CABIN1: variants seen among roughly 807,000 people sequenced by gnomAD.
CABIN1 encodes the protein calcineurin binding protein 1.
CABIN1 carries 133 observed loss-of-function variants against 227.7 expected under a neutral mutation model. The observed-to-expected ratio is 0.58, with a 90% CI of 0.51 to 0.67. The LOEUF is 0.67. Ranked by LOEUF, CABIN1 falls within the 30% of genes least tolerant of loss-of-function variation. The pLI is 0.00. For missense variants in CABIN1, 2,408 were observed against 2,852.5 expected, an observed-to-expected ratio of 0.84 and a Z score of 3.55; for synonymous variants, 1,086 against 1,155.1, an observed-to-expected ratio of 0.94 and a Z score of 1.21.
chr22:24,056,366 G>C lies in CABIN1; in HGVS notation c.1262+6G>C. ...ATGAAGTTCTTGCCGTCCAGGTACTGTGTATTTTTTCTGATTGTCAGAAAC... is the reference window on the plus strand; with the variant it reads ...ATGAAGTTCTTGCCGTCCAGGTACTCTGTATTTTTTCTGATTGTCAGAAAC... On this transcript the variant is annotated splice_donor_region_variant and intron_variant, in intron 10 of 36. Transcript: ENST00000263119. 6.2e-7 allele frequency: 1 copy of C among 1,613,774 alleles called. No individual in the cohort carries two copies. The highest frequency in any genetic ancestry group is 8.5e-7 in the Non-Finnish European group (1 of 1,179,706).
chr22:24,096,153 A>G (rs972262472), intron 25 of CABIN1, 71 bp downstream of exon 25: 45 of 1,544,918 alleles, frequency 2.9e-5, no homozygotes, highest in Middle Eastern at 1.9e-4. Context: ...GTTTACTGCA[A>G]TGTGTTGTTC....
intron 9 of CABIN1, 113 bp downstream of exon 9, chr22:24,055,272 C>T: frequency 7.9e-7 from 1 of 1,258,668 alleles, no homozygotes; most frequent in Non-Finnish European, 1.1e-6. Context: ...TGCTGATGCT[C>T]ATGACTCAAG....
chr22:24,066,532 C>G (rs576388107), intron 15 of CABIN1, among the ~76,000 whole-genome samples: 1 of 152,348 alleles, frequency 6.6e-6, no homozygotes, highest in South Asian at 2.1e-4. Context: ...AGAGTTATTT[C>G]AGGGACAAGT....
chr22:24,089,626 C>A (rs570492071), intron 23 of CABIN1, among the ~76,000 whole-genome samples: 6 of 152,324 alleles, frequency 3.9e-5, no homozygotes, highest in African/African-American at 1.4e-4. Flanking sequence ...GGAGAGACAG[C>A]TTCCAACCCT....
chr22:24,163,808 A>T (rs1420066428), intron 29 of CABIN1, among the ~76,000 whole-genome samples: 1 of 152,186 alleles, frequency 6.6e-6, no homozygotes, highest in African/African-American at 2.4e-5. Flanking sequence ...CAAGGGAGAT[A>T]ATGGGGGGTG....
chr22:24,164,343 C>T, intron 29 of CABIN1, 57 bp from the exon 30 acceptor site: 1 of 1,592,526 alleles, frequency 6.3e-7, no homozygotes. Context: ...GACAGGGTGT[C>T]CCCGAGGCTC....
At chr22:24,132,272 T>A (rs2044122762) in intron 28 of CABIN1, among the ~76,000 whole-genome samples, 1 of 152,218 alleles carries the variant, frequency 6.6e-6, no homozygotes, top group Non-Finnish European at 1.5e-5. Flanking sequence ...GTCTTCCTCT[T>A]GGAGCCCTGC....
At chr22:24,057,709 T>G (rs982440736) in intron 10 of CABIN1, among the ~76,000 whole-genome samples, 2 of 152,250 alleles carry the variant, frequency 1.3e-5, no homozygotes, top group Non-Finnish European at 1.5e-5. Flanking sequence ...TTTCTTAATT[T>G]GTTGTCTTTC....
Position 24,177,680 on chromosome 22 carries a change from C to T in CABIN1, c.6382C>T (p.Pro2128Ser). 1 of 1,613,902 alleles carries T rather than the reference C, an allele frequency of 6.2e-7. No homozygotes were observed. The highest frequency in any genetic ancestry group is 8.5e-7 in the Non-Finnish European group (1 of 1,179,916). Residue 2128 changes from proline (P) to serine (S), a missense_variant, in exon 36 of 37, where the codon CCC becomes TCC. Around this residue, in one of 3 missense-constraint regions of CABIN1, gnomAD observed 714 missense variants for 773.8 expected, o/e 0.92. Transcript: ENST00000263119. This position sits in a 1 kb window ranked among gnomAD's most constrained non-coding sequence, Gnocchi z 4.4. ...KPEPSRAKSR[P>S]LPNMPKLVIP... ...TGAGCCCAGCCGGGCTAAGTCCCGC[C>T]CCCTGCCCAACATGCCAAAGCTGGT...
chr22:24,054,726 G>A lies in CABIN1; in HGVS notation c.807-147G>A, dbSNP rs1404832677. The A allele has an allele frequency of 1.1e-5, 11 of 983,020 alleles. No individual in the cohort carries two copies. The East Asian group carries it at 1.9e-4, about 17-fold the overall frequency. 60.9% of individuals were successfully genotyped at this position (983,020 alleles called of 1,614,324 possible). ...AGATTTCATCAGTTGTGCCAGTGAT[G>A]AAACCTTGATCACCTCCCCCACCCC... On this transcript the variant is annotated intron_variant, in intron 8 of 36. Transcript: ENST00000263119.
In CABIN1 at chr22:24,038,396, C is replaced by T; in HGVS notation, c.145C>T (p.His49Tyr). ...CCACAAGGCCCTTGATCTGCAGAAA[C>T]ATGACCGGTTTGAGGAGTCTGCCAA... ...LYHKALDLQK[H>Y]DRFEESAKAY... Residue 49 changes from histidine (H) to tyrosine (Y), a missense_variant, in exon 4 of 37, where the codon CAT becomes TAT. This residue lies in a region of CABIN1 where 1,045 missense variants were observed against 1,168.4 expected (regional missense o/e 0.89). Coordinates refer to ENST00000263119, the MANE Select transcript of CABIN1 (RefSeq NM_012295.4). 6.2e-7 allele frequency: 1 copy of T among 1,614,132 alleles called. No homozygotes were observed. The highest frequency in any genetic ancestry group is 8.5e-7 in the Non-Finnish European group (1 of 1,180,008).
chr22:24,062,727 C>A, intron 13 of CABIN1, among the ~76,000 whole-genome samples: 1 of 152,240 alleles, frequency 6.6e-6, no homozygotes, highest in Middle Eastern at 3.4e-3. Flanking sequence ...AAAATTGCTT[C>A]CCCTTGCCCT....
intron 29 of CABIN1, among the ~76,000 whole-genome samples, chr22:24,134,660 C>T (rs2044281783): frequency 6.6e-6 from 1 of 152,182 alleles, no homozygotes; most frequent in African/African-American, 2.4e-5. Flanking sequence ...TTGGTATGTT[C>T]TCCAAAGCCC....
intron 10 of CABIN1, 115 bp downstream of exon 10, chr22:24,056,475 C>A: frequency 2.8e-6 from 3 of 1,054,354 alleles, no homozygotes; most frequent in East Asian, 2.5e-5. Context: ...CCTCTGTGTT[C>A]CCATAACATC....
intron 23 of CABIN1, among the ~76,000 whole-genome samples, chr22:24,089,663 C>T (rs141601136): frequency 7.4e-4 from 112 of 152,326 alleles, no homozygotes; most frequent in African/African-American, 2.6e-3. Flanking sequence ...ACACAGTCCC[C>T]TGATTGCTAC....
chr22:24,085,252 A>T, intron 22 of CABIN1, 101 bp downstream of exon 22: 1 of 1,265,672 alleles, frequency 7.9e-7, no homozygotes, highest in Non-Finnish European at 1.1e-6. Flanking sequence ...TTCCCTGTCC[A>T]TTGCAAAGAG....
At chr22:24,127,923 G>A (rs545077325) in intron 28 of CABIN1, among the ~76,000 whole-genome samples, 1 of 152,012 alleles carries the variant, frequency 6.6e-6, no homozygotes, top group Non-Finnish European at 1.5e-5. Flanking sequence ...TGACATTTGG[G>A]ACCAAATAAT....
At position 24,072,346 on chromosome 22, in the gene CABIN1, A is replaced by G. The variant is rs376981322; in HGVS notation, c.2476-8A>G. On this transcript the variant is annotated splice_region_variant and splice_polypyrimidine_tract_variant and intron_variant, in intron 17 of 36. Coordinates refer to ENST00000263119, the MANE Select transcript of CABIN1 (RefSeq NM_012295.4). Reference sequence around the variant, plus strand: ...ACACTTCTGCTGTCTCCCACCCCGCACTGTCAGGTCATTGACTGCAGCATG... The same window carrying G: ...ACACTTCTGCTGTCTCCCACCCCGCGCTGTCAGGTCATTGACTGCAGCATG... 3.0e-5 allele frequency: 49 copies of G among 1,614,080 alleles called. No individual in the cohort carries two copies. In the East Asian group the frequency reaches 1.0e-3, roughly 33 times the overall value.
intron 29 of CABIN1, among the ~76,000 whole-genome samples, chr22:24,137,167 CT>C (rs1003771876): frequency 6.6e-6 from 1 of 152,210 alleles, no homozygotes; most frequent in African/African-American, 2.4e-5. Context: ...TTCCTCTCTC[CT>C]TTTGGTGCTT....
Sources: allele counts gnomAD v4.1 joint callset (sites outside exome capture counted in the v4.1 genomes callset), GRCh38; gene constraint gnomAD v4.1.1; regional missense constraint gnomAD v4.1.1; non-coding constraint Gnocchi (gnomAD v3.1); transcripts MANE v1.5; gene names NCBI Gene and HGNC (gene_info 2026-07-23, HGNC 2026-07-21).